The following DGKB variants were observed in gnomAD, a reference collection of about 807,000 sequenced individuals.
DGKB encodes the protein 90 kDa diacylglycerol kinase.
A neutral mutation model predicts 114.3 loss-of-function variants in DGKB; 67 were observed. The observed-to-expected ratio is 0.59, with a 90% CI of 0.48 to 0.72. The LOEUF (loss-of-function observed/expected upper bound fraction) is 0.72, where lower values mean the gene tolerates loss of function less well. Among genes scored for constraint, DGKB ranks in the 30% least tolerant of loss-of-function variants. DGKB has a pLI of 0.00. For synonymous variants in DGKB, 398 were observed against 323.1 expected (o/e 1.23, Z -2.49); for missense variants, 907 against 975.2 (o/e 0.93, Z 0.93).
intron 1 of DGKB, among the ~76,000 whole-genome samples, chr7:14,940,228 C>A (rs1785496989): frequency 6.6e-6 from 1 of 152,098 alleles, no homozygotes; most frequent in Non-Finnish European, 1.5e-5. Context: ...GCCAAAGTCG[C>A]TGTGTTCTCA....
At chr7:14,750,524 T>G (rs1018223049) in intron 4 of DGKB, among the ~76,000 whole-genome samples, 1 of 152,166 alleles carries the variant, frequency 6.6e-6, no homozygotes, top group Non-Finnish European at 1.5e-5. Context: ...CTGATGCCCA[T>G]TGTCATCTAG....
At position 14,776,363 on chromosome 7, in the gene DGKB, G is replaced by A. The variant is rs184244847; in HGVS notation, c.71-18632C>T. Among the ~76,000 whole-genome samples, 699 of 152,330 alleles carry A rather than the reference G, an allele frequency of 4.6e-3. 1 individual carries two copies. The highest frequency in any genetic ancestry group is 9.1e-3 in the Admixed American group (139 of 15,300). On this transcript the variant is annotated intron_variant, in intron 2 of 25. Transcript: ENST00000402815. ...GCTGAATGTTAATCACCAAGACAATGGGGAAAATGACTCCAGGGTATGTCA... is the reference window on the plus strand; with the variant it reads ...GCTGAATGTTAATCACCAAGACAATAGGGAAAATGACTCCAGGGTATGTCA...
Position 14,698,108 on chromosome 7 carries a change from G to T in DGKB, c.578C>A (p.Thr193Asn). ...TCATATACCTACTGGATTAAGTTCA[G>T]TGACATCCCACTCAAGGTATTCTGC... ...HVAEYLEWDV[T>N]ELNPILHEMM... The change falls in exon 8 of 26, where the codon ACT (threonine) becomes AAT (asparagine). Residue 193 changes from threonine to asparagine, a missense_variant. By Grantham distance (65) the Thr-to-Asn change is moderately conservative. Transcript: ENST00000402815. The T allele has an allele frequency of 1.3e-6, 2 of 1,547,484 alleles. No individual in the cohort carries two copies. Among genetic ancestry groups the T allele is most frequent in the Non-Finnish European group, 1.7e-6 (2 of 1,145,138 alleles).
At chr7:14,171,894 C>G (rs879727915) in intron 25 of DGKB, among the ~76,000 whole-genome samples, 5 of 152,176 alleles carry the variant, frequency 3.3e-5, no homozygotes, top group Non-Finnish European at 5.9e-5. Flanking sequence ...CCAAGATGAT[C>G]CAAATCATGG....
At chr7:14,758,560 C>T (rs1006453688) in intron 2 of DGKB, among the ~76,000 whole-genome samples, 1 of 151,980 alleles carries the variant, frequency 6.6e-6, no homozygotes, top group Non-Finnish European at 1.5e-5. Flanking sequence ...AATGAAAAAA[C>T]CTCAAAATTA....
At chr7:14,684,896 G>A (rs370246747) in intron 10 of DGKB, among the ~76,000 whole-genome samples, 5 of 151,846 alleles carry the variant, frequency 3.3e-5, no homozygotes, top group African/African-American at 1.2e-4. Context: ...ACTAACATGT[G>A]GGGAGGGGGG....
At chr7:14,324,653 A>C (rs911181846) in intron 23 of DGKB, among the ~76,000 whole-genome samples, 5 of 152,138 alleles carry the variant, frequency 3.3e-5, no homozygotes, top group Non-Finnish European at 5.9e-5. Flanking sequence ...TACTTTCTAC[A>C]TTTTATAAGA....
At chr7:14,755,355 T>A (rs1054406069) in intron 3 of DGKB, among the ~76,000 whole-genome samples, 10 of 152,186 alleles carry the variant, frequency 6.6e-5, no homozygotes, top group Non-Finnish European at 1.0e-4. Flanking sequence ...AAATAGTACA[T>A]CTACGATTTA....
chr7:14,879,162 A>C lies in DGKB; in HGVS notation c.-188+23430T>G, dbSNP rs538294763. On this transcript the variant is annotated intron_variant, in intron 1 of 25. Transcript: ENST00000402815. ...GACAATGATTCACAGATTAAGGTAAAGTAGTTCTTCTCAAATAATGACAAA... is the reference window on the plus strand; with the variant it reads ...GACAATGATTCACAGATTAAGGTAACGTAGTTCTTCTCAAATAATGACAAA... Among the ~76,000 whole-genome samples, 5 of 152,044 alleles carry C rather than the reference A, an allele frequency of 3.3e-5. No homozygotes were observed. In the South Asian group the frequency reaches 1.0e-3, roughly 31 times the overall value.
At chr7:14,601,001 C>A (rs1379707798) in intron 17 of DGKB, among the ~76,000 whole-genome samples, 1 of 152,154 alleles carries the variant, frequency 6.6e-6, no homozygotes, top group Non-Finnish European at 1.5e-5. Flanking sequence ...GGGGCCTGAA[C>A]CATGTAGCAG....
chr7:14,353,425 T>G (rs993343459), intron 21 of DGKB, among the ~76,000 whole-genome samples: 1 of 152,178 alleles, frequency 6.6e-6, no homozygotes, highest in Non-Finnish European at 1.5e-5. Flanking sequence ...GCTTTGCCCC[T>G]CTTTTCCTAT....
Position 14,846,322 on chromosome 7 carries a change from C to T in DGKB, c.-187-4872G>A, listed in dbSNP as rs139421611. Among the ~76,000 whole-genome samples the T allele has an allele frequency of 1.3e-3, 205 of 152,222 alleles. 1 individual carries two copies. The highest frequency in any genetic ancestry group is 4.6e-3 in the African/African-American group (192 of 41,518). ...TTCTCATAATTCTCATAGTTCTAAC[C>T]CTCATCACGTGATATGACATGTAGC... On this transcript the variant is annotated intron_variant, in intron 1 of 25. Coordinates refer to ENST00000402815, the MANE Select transcript of DGKB (RefSeq NM_001350709.2).
intron 1 of DGKB, among the ~76,000 whole-genome samples, chr7:14,969,923 G>A (rs1787362010): frequency 6.6e-6 from 1 of 152,160 alleles, no homozygotes; most frequent in Non-Finnish European, 1.5e-5. Flanking sequence ...GACACATTAT[G>A]ACATTATGAA....
intron 1 of DGKB, among the ~76,000 whole-genome samples, chr7:14,881,569 A>C (rs1021605514): frequency 3.3e-5 from 5 of 152,126 alleles, no homozygotes; most frequent in Admixed American, 3.3e-4. Context: ...ATAAACATTT[A>C]TTAACTTTAG....
At chr7:14,476,180 G>C (rs1409728426) in intron 21 of DGKB, among the ~76,000 whole-genome samples, 10 of 151,716 alleles carry the variant, frequency 6.6e-5, no homozygotes, top group African/African-American at 2.4e-4. Flanking sequence ...AAATATGAAT[G>C]CTTCATAGAA....
At chr7:14,529,996 A>T (rs1791295977) in intron 20 of DGKB, among the ~76,000 whole-genome samples, 1 of 151,714 alleles carries the variant, frequency 6.6e-6, no homozygotes, top group Admixed American at 6.6e-5. Flanking sequence ...CATAAAGTGA[A>T]ATCAAAATGG....
At chr7:14,936,429 G>T (rs1785274148) in intron 1 of DGKB, among the ~76,000 whole-genome samples, 1 of 152,112 alleles carries the variant, frequency 6.6e-6, no homozygotes, top group African/African-American at 2.4e-5. Flanking sequence ...TAAAGACAGG[G>T]CTTGGAACCT....
intron 13 of DGKB, among the ~76,000 whole-genome samples, chr7:14,670,220 A>ATG (rs939845829): frequency 6.6e-6 from 1 of 151,134 alleles, no homozygotes; most frequent in South Asian, 2.1e-4. Flanking sequence ...GTGTGTGTGC[A>ATG]TGTGTGTGTG....
chr7:14,180,423 A>G (rs1032157652), intron 23 of DGKB, among the ~76,000 whole-genome samples: 3 of 152,100 alleles, frequency 2.0e-5, no homozygotes, highest in African/African-American at 4.8e-5. Context: ...GCATGCAAAA[A>G]TGCCTTGAAA....
Sources: gnomAD v4.1 joint callset for allele counts (sites outside exome capture counted in the v4.1 genomes callset) on GRCh38, gnomAD v4.1.1 for gene constraint, MANE v1.5 for transcripts, NCBI Gene and HGNC (gene_info 2026-07-23, HGNC 2026-07-21) for gene names.